The following TOP6BL variants were observed in gnomAD, a reference collection of about 807,000 sequenced individuals.
TOP6BL encodes type 2 DNA topoisomerase 6 subunit B-like.
the TOP6BL span, among the ~76,000 whole-genome samples, chr11:66,842,522 A>G: frequency 6.6e-6 from 1 of 152,214 alleles, no homozygotes; most frequent in Non-Finnish European, 1.5e-5. Flanking sequence ...GAGGGGGGAC[A>G]GAGGCTGGCA....
the TOP6BL span, among the ~76,000 whole-genome samples, chr11:66,795,104 A>T: frequency 6.6e-6 from 1 of 152,004 alleles, no homozygotes; most frequent in Non-Finnish European, 1.5e-5. Flanking sequence ...ACTGTACTCC[A>T]GCCTGGGCAA....
At chr11:66,745,415 G>T in the TOP6BL span, among the ~76,000 whole-genome samples, 9 of 152,162 alleles carry the variant, frequency 5.9e-5, no homozygotes, top group South Asian at 1.4e-3. Context: ...CAGGTTTCTG[G>T]GTTCGAAGCA....
the TOP6BL span, among the ~76,000 whole-genome samples, chr11:66,774,115 TG>T: frequency 1.3e-5 from 2 of 152,208 alleles, no homozygotes; most frequent in Non-Finnish European, 2.9e-5. Flanking sequence ...TGTTTTGCTT[TG>T]CTAACCAGCT....
the TOP6BL span, among the ~76,000 whole-genome samples, chr11:66,831,996 C>CAAAAAAAA: frequency 6.4e-5 from 3 of 46,652 alleles, no homozygotes; most frequent in Non-Finnish European, 8.1e-5. Context: ...GACTCTGTCT[C>CAAAAAAAA]AAAAAAAAAA....
chr11:66,843,237 C>T, the TOP6BL span: 1 of 1,608,544 alleles, frequency 6.2e-7, no homozygotes, highest in South Asian at 1.1e-5. Flanking sequence ...GGCCCTGAGC[C>T]GGGTCCCCTT....
the TOP6BL span, among the ~76,000 whole-genome samples, chr11:66,798,375 G>A: frequency 2.8e-4 from 43 of 151,990 alleles, no homozygotes; most frequent in African/African-American, 1.0e-3. Flanking sequence ...CGACTTGGGC[G>A]GATTGCTTGA....
chr11:66,787,857 A>G, the TOP6BL span, among the ~76,000 whole-genome samples: 3 of 152,222 alleles, frequency 2.0e-5, no homozygotes, highest in Non-Finnish European at 4.4e-5. Context: ...TATCAGAACT[A>G]TCAGTTCTGA....
the TOP6BL span, among the ~76,000 whole-genome samples, chr11:66,811,013 G>T: frequency 7.2e-5 from 11 of 152,144 alleles, no homozygotes; most frequent in Non-Finnish European, 1.5e-4. Flanking sequence ...GAGTGCAGTG[G>T]CTTGATCTTA....
chr11:66,815,955 C>T, the TOP6BL span: 1 of 1,240,942 alleles, frequency 8.1e-7, no homozygotes, highest in African/African-American at 1.5e-5. Context: ...ATCTCCTATT[C>T]TCAGATCCTT....
At chr11:66,756,595 C>G in the TOP6BL span, 1 of 960,996 alleles carries the variant, frequency 1.0e-6, no homozygotes, top group Non-Finnish European at 1.3e-6. Context: ...CGATAAAATT[C>G]TATCCTCCAG....
the TOP6BL span, among the ~76,000 whole-genome samples, chr11:66,831,408 CTA>C: frequency 4.6e-5 from 7 of 152,238 alleles, no homozygotes; most frequent in South Asian, 6.2e-4. Flanking sequence ...TAAAGGAACA[CTA>C]TGTGGCAATA....
chr11:66,830,952 C>A, the TOP6BL span, among the ~76,000 whole-genome samples: 1 of 151,898 alleles, frequency 6.6e-6, no homozygotes, highest in African/African-American at 2.4e-5. Context: ...TTTAAATGGA[C>A]AAAATATTTG....
At chr11:66,768,062 G>C in the TOP6BL span, among the ~76,000 whole-genome samples, 1 of 152,128 alleles carries the variant, frequency 6.6e-6, no homozygotes, top group East Asian at 1.9e-4. Context: ...AAAGTGTAAG[G>C]ATTACAAGTG....
At chr11:66,770,794 AC>A in the TOP6BL span, among the ~76,000 whole-genome samples, 4 of 151,732 alleles carry the variant, frequency 2.6e-5, no homozygotes, top group Admixed American at 6.6e-5. Context: ...CTTTCCTGAC[AC>A]CCCTTCTGGC....
the TOP6BL span, among the ~76,000 whole-genome samples, chr11:66,764,606 A>G: frequency 9.3e-5 from 14 of 151,308 alleles, no homozygotes; most frequent in South Asian, 2.9e-3. Flanking sequence ...CGGAGGTTGC[A>G]GTAAGCTGAG....
chr11:66,829,300 C>T, the TOP6BL span, among the ~76,000 whole-genome samples: 2 of 148,096 alleles, frequency 1.4e-5, no homozygotes, highest in South Asian at 4.3e-4. Context: ...ATACAGGCCG[C>T]GTGTGGTGGC....
At chr11:66,769,042 G>C in the TOP6BL span, among the ~76,000 whole-genome samples, 2,309 of 152,228 alleles carry the variant, frequency 0.015, 36 homozygotes, top group South Asian at 0.04. Flanking sequence ...TTCCAACTCT[G>C]TCCTTCTGGG....
At chr11:66,758,963 T>G in the TOP6BL span, 49 of 1,088,750 alleles carry the variant, frequency 4.5e-5, no homozygotes, top group Non-Finnish European at 5.2e-5. Context: ...CTGTAAGCAG[T>G]TTTTTAGACT....
At chr11:66,831,089 A>C in the TOP6BL span, among the ~76,000 whole-genome samples, 1 of 152,234 alleles carries the variant, frequency 6.6e-6, no homozygotes, top group Non-Finnish European at 1.5e-5. Context: ...ATACCACTGG[A>C]ATAAAAGGAC....
Sources: allele counts gnomAD v4.1 joint callset (sites outside exome capture counted in the v4.1 genomes callset), GRCh38; gene constraint gnomAD v4.1.1; transcripts MANE v1.5; gene names NCBI Gene and HGNC (gene_info 2026-07-23, HGNC 2026-07-21).